Variants in EMSY observed in about 807,000 individuals in gnomAD.
The protein encoded by EMSY is EMSY transcriptional repressor, BRCA2 interacting.
In EMSY, 26 loss-of-function variants were observed where a neutral mutation model predicts 134.6. That is an observed-to-expected ratio of 0.19 (90% CI 0.14 to 0.27). The LOEUF is 0.27. Among genes scored for constraint, EMSY ranks in the 10% least tolerant of loss-of-function variants. EMSY has a pLI of 1.00. For missense variants in EMSY, 1,305 were observed against 1,611.4 expected (o/e 0.81, Z 3.26); for synonymous variants, 579 against 577.8 (o/e 1.00, Z -0.03).
intron 16 of EMSY, 151 bp downstream of exon 17, chr11:76,538,101 C>T (rs1246325096): frequency 5.9e-6 from 4 of 674,172 alleles, no homozygotes; most frequent in Non-Finnish European, 9.1e-6. Context: ...TGGGATTTAC[C>T]CTGTCTTTAA....
chr11:76,451,544 T>G (rs980359357), intron 2 of EMSY, among the ~76,000 whole-genome samples: 1 of 152,256 alleles, frequency 6.6e-6, no homozygotes, highest in Non-Finnish European at 1.5e-5. Flanking sequence ...GTTACATCAG[T>G]TGGTGCCTAT....
At chr11:76,478,060 C>A (rs1391845585) in intron 8 of EMSY, among the ~76,000 whole-genome samples, 1 of 152,192 alleles carries the variant, frequency 6.6e-6, no homozygotes, top group Non-Finnish European at 1.5e-5. Flanking sequence ...CTCCTGCTGT[C>A]TGCACTTTAT....
At chr11:76,542,473 G>A (rs1951475952) in intron 18 of EMSY, 106 bp downstream of exon 19, 4 of 1,386,112 alleles carry the variant, frequency 2.9e-6, no homozygotes, top group Non-Finnish European at 4.0e-6. Context: ...AACGTAGAGT[G>A]TTTGTGTAAT....
At chr11:76,464,698 C>A (rs779020000) in intron 7 of EMSY, among the ~76,000 whole-genome samples, 5 of 152,196 alleles carry the variant, frequency 3.3e-5, no homozygotes, top group Non-Finnish European at 5.9e-5. Flanking sequence ...CTTTAACCAT[C>A]ATTCTGATCT....
At chr11:76,475,667 T>C (rs1231408653) in intron 8 of EMSY, among the ~76,000 whole-genome samples, 1 of 152,242 alleles carries the variant, frequency 6.6e-6, no homozygotes, top group African/African-American at 2.4e-5. Context: ...TTATTAGTAC[T>C]AAGAAATCAA....
chr11:76,531,329 T>C (rs1951033526), intron 14 of EMSY, among the ~76,000 whole-genome samples: 1 of 152,254 alleles, frequency 6.6e-6, no homozygotes, highest in Admixed American at 6.5e-5. Flanking sequence ...GGTCGACACA[T>C]TGCATTTAGC....
chr11:76,487,447 G>A (rs1166113735), intron 8 of EMSY, among the ~76,000 whole-genome samples: 6 of 152,184 alleles, frequency 3.9e-5, no homozygotes, highest in Non-Finnish European at 8.8e-5. Context: ...TGATACTACT[G>A]TGCTGCTAGG....
In EMSY at chr11:76,463,804, T is replaced by C. The variant is rs750117945; in HGVS notation, c.572-17T>C. The C allele has an allele frequency of 6.2e-7, 1 of 1,613,708 alleles. No homozygotes were observed. ...TTAGTTTGGTATACATATAGCAGTA[T>C]TGTCATTGCCCTTCAGGTGTAAGCT... On this transcript the variant is annotated splice_polypyrimidine_tract_variant and intron_variant, in intron 6 of 20. Transcript: ENST00000334736.
At chr11:76,546,722 A>C (rs1257194442) in intron 20 of EMSY, among the ~76,000 whole-genome samples, 3 of 152,062 alleles carry the variant, frequency 2.0e-5, no homozygotes, top group South Asian at 2.1e-4. Flanking sequence ...AATTTGGGGG[A>C]CCCTTTTCTT....
chr11:76,454,850 C>A, intron 4 of EMSY, 60 bp downstream of exon 5: 1 of 1,228,292 alleles, frequency 8.1e-7, no homozygotes, highest in South Asian at 1.4e-5. Flanking sequence ...CAAATTGAAG[C>A]TCTCAATTAT....
exon 12 of EMSY, chr11:76,523,223 A>G (rs754757792): frequency 3.1e-6 from 5 of 1,613,872 alleles, no homozygotes; most frequent in Admixed American, 1.7e-5. Flanking sequence ...ACAAAAGACT[A>G]CAGGAAAAGG....
At position 76,545,860 on chromosome 11, in the gene EMSY, C is replaced by A. The variant is rs750291109; in HGVS notation, c.3337C>A (p.Pro1113Thr). The A allele has an allele frequency of 5.0e-5, 80 of 1,613,924 alleles. No homozygotes were observed. In the South Asian group the frequency reaches 8.6e-4, roughly 17 times the overall value. Residue 1113 changes from proline (P) to threonine (T), a missense_variant, in exon 20 of 21, where the codon CCT becomes ACT. This residue lies in a region of EMSY where 664 missense variants were observed against 763.9 expected (regional missense o/e 0.87). Transcript: ENST00000334736. ...AAAGATAACTTTTGAGGGGCGCCAG[C>A]CTCCCACAGTTACAAAGATAACTGG...
chr11:76,499,579 G>A (rs933620645), intron 9 of EMSY, among the ~76,000 whole-genome samples: 4 of 152,038 alleles, frequency 2.6e-5, no homozygotes, highest in East Asian at 3.9e-4. Context: ...GAGCCACTGC[G>A]CCCGGCCCCA....
chr11:76,452,096 T>A lies in EMSY; in HGVS notation c.170+139T>A, dbSNP rs1353525321. 8 of 501,808 alleles carry A rather than the reference T, an allele frequency of 1.6e-5. No individual in the cohort carries two copies. The East Asian group carries it at 2.4e-4, about 15-fold the overall frequency. 31.1% of individuals were successfully genotyped at this position (501,808 alleles called of 1,614,324 possible). ...AAATTGTTGGTGCTAAGAGACTCCA[T>A]CCCAGTTGTGTGCTCTGTTACAGAA... On this transcript the variant is annotated intron_variant, in intron 3 of 20. Coordinates refer to ENST00000334736, the Ensembl canonical transcript of EMSY.
chr11:76,546,908 T>C (rs1388235564), intron 20 of EMSY: 1 of 280,674 alleles, frequency 3.6e-6, no homozygotes, highest in Non-Finnish European at 7.0e-6. Context: ...AAAATCTTGT[T>C]TGGTTTCTGT....
exon 19 of EMSY, chr11:76,544,504 C>A: frequency 6.2e-7 from 1 of 1,614,164 alleles, no homozygotes; most frequent in Non-Finnish European, 8.5e-7. Context: ...TGCAGGCAGA[C>A]CAGCTCCAGC....
At chr11:76,539,662 G>A (rs1485568915) in intron 17 of EMSY, 22 bp downstream of exon 18, 2 of 1,608,872 alleles carry the variant, frequency 1.2e-6, no homozygotes, top group Middle Eastern at 1.7e-4. Context: ...GCATCCATTT[G>A]TAGTATCACT....
At chr11:76,484,976 A>G (rs1949124821) in intron 8 of EMSY, among the ~76,000 whole-genome samples, 2 of 152,018 alleles carry the variant, frequency 1.3e-5, no homozygotes, top group South Asian at 4.2e-4. Flanking sequence ...CTGGACACAT[A>G]CACCCTCCCA....
intron 8 of EMSY, among the ~76,000 whole-genome samples, chr11:76,488,414 C>G (rs968768999): frequency 1.9e-4 from 29 of 152,270 alleles, no homozygotes; most frequent in African/African-American, 7.0e-4. Context: ...CTGCATTGAG[C>G]TATGATTGTG....
Sources: gnomAD v4.1 joint callset for allele counts (sites outside exome capture counted in the v4.1 genomes callset) on GRCh38, gnomAD v4.1.1 for gene constraint, gnomAD v4.1.1 regional missense constraint, MANE v1.5 for transcripts, NCBI Gene and HGNC (gene_info 2026-07-23, HGNC 2026-07-21) for gene names.